The following HBS1L variants were observed in gnomAD, a reference collection of about 807,000 sequenced individuals.
HBS1L encodes HBS1-like protein.
Under a neutral mutation model 88.9 loss-of-function variants are expected in HBS1L, and 55 were observed. The ratio of observed to expected loss-of-function variants is 0.62; its 90% CI spans 0.50 to 0.77. The LOEUF (loss-of-function observed/expected upper bound fraction) is 0.77, where lower values mean the gene tolerates loss of function less well. Ranked by LOEUF, HBS1L falls within the 30% of genes least tolerant of loss-of-function variation. The pLI, the probability that HBS1L is intolerant of heterozygous loss-of-function variation, is 0.00. For missense variants in HBS1L, 741 were observed against 829.3 expected (o/e 0.89, Z 1.31); for synonymous variants, 267 against 288.5 (o/e 0.93, Z 0.76).
intron 15 of HBS1L, among the ~76,000 whole-genome samples, chr6:134,972,496 A>G (rs1316514272): frequency 6.6e-6 from 1 of 152,200 alleles, no homozygotes; most frequent in East Asian, 1.9e-4. Context: ...CAAAACTCTT[A>G]GAAGAGAACA....
At chr6:135,017,821 T>G (rs537714610) in intron 4 of HBS1L, among the ~76,000 whole-genome samples, 20 of 152,084 alleles carry the variant, frequency 1.3e-4, no homozygotes, top group Admixed American at 1.2e-3. Context: ...GAAAAGGTGA[T>G]CTGAAAGATT....
At chr6:134,999,015 C>T (rs573682802) in intron 5 of HBS1L, among the ~76,000 whole-genome samples, 1 of 152,304 alleles carries the variant, frequency 6.6e-6, no homozygotes, top group Non-Finnish European at 1.5e-5. Context: ...TGAATGACCA[C>T]AGCTAGTTCT....
chr6:134,993,708 T>G (rs951250916), intron 8 of HBS1L, 50 bp downstream of exon 8: 2 of 783,450 alleles, frequency 2.6e-6, no homozygotes, highest in African/African-American at 1.8e-5. Context: ...CATCAGAAAA[T>G]TTTATGTAAA....
chr6:135,002,282 CG>C (rs778584205), intron 5 of HBS1L, among the ~76,000 whole-genome samples: 1 of 152,018 alleles, frequency 6.6e-6, no homozygotes, highest in Non-Finnish European at 1.5e-5. Flanking sequence ...GTCCAATTTA[CG>C]TCTTTGCTAC....
intron 3 of HBS1L, among the ~76,000 whole-genome samples, chr6:135,040,369 G>C (rs1237089355): frequency 8.0e-5 from 3 of 37,476 alleles, no homozygotes; most frequent in Non-Finnish European, 1.5e-4. Flanking sequence ...TTTTTTTTTT[G>C]AGACAGAGTC....
intron 4 of HBS1L, among the ~76,000 whole-genome samples, chr6:135,025,866 TA>T (rs1000630289): frequency 6.6e-6 from 1 of 151,812 alleles, no homozygotes; most frequent in African/African-American, 2.4e-5. Flanking sequence ...ATAAAGATGA[TA>T]AAAACAAATA....
intron 7 of HBS1L, among the ~76,000 whole-genome samples, chr6:134,996,038 C>T (rs532182298): frequency 5.9e-5 from 9 of 152,220 alleles, no homozygotes; most frequent in Middle Eastern, 3.4e-3. Context: ...AGTTTAATCT[C>T]GTTAATCTAG....
intron 6 of HBS1L, 56 bp from the exon 7 acceptor site, chr6:134,996,998 A>G: frequency 7.9e-7 from 1 of 1,266,020 alleles, no homozygotes; most frequent in Non-Finnish European, 1.1e-6. Context: ...GTTCACATTG[A>G]GGCATTGCAT....
intron 4 of HBS1L, among the ~76,000 whole-genome samples, chr6:135,024,462 A>C (rs1188522720): frequency 5.5e-5 from 8 of 146,154 alleles, no homozygotes; most frequent in Admixed American, 2.7e-4. Context: ...AAAAAAAAAA[A>C]CACAAAACAA....
intron 16 of HBS1L, 58 bp from the exon 17 acceptor site, chr6:134,966,531 T>C (rs1774321477): frequency 8.7e-7 from 1 of 1,148,272 alleles, no homozygotes; most frequent in Non-Finnish European, 1.2e-6. Flanking sequence ...AATGTAATAA[T>C]AACAACTTGA....
chr6:135,054,789 T>C lies in HBS1L; in HGVS notation c.-98A>G, dbSNP rs199964947. 7.0e-4 allele frequency: 1,012 copies of C among 1,439,740 alleles called. 1 individual carries two copies. Among genetic ancestry groups the C allele is most frequent in the Non-Finnish European group, 9.0e-4 (937 of 1,041,174 alleles). 89.2% of individuals were successfully genotyped at this position (1,439,740 alleles called of 1,614,324 possible). A position where few individuals can be genotyped will look rare whatever the true frequency, so the allele number is the denominator to read the frequency against. On this transcript the variant is annotated 5_prime_UTR_variant, in exon 1 of 18. Coordinates refer to ENST00000367837, the MANE Select transcript of HBS1L (RefSeq NM_006620.4). ...CCAACTGCAGCCTGGAGAACCCCTA[T>C]GCGCCATCTTGGCTTCCCGCAGGCC...
intron 15 of HBS1L, among the ~76,000 whole-genome samples, chr6:134,970,784 G>A (rs77698320): frequency 2.6e-5 from 4 of 152,192 alleles, no homozygotes; most frequent in African/African-American, 9.6e-5. Flanking sequence ...TGAAGCTAAG[G>A]TTTGGATACA....
rs920657158 is a variant in HBS1L, at chr6:134,963,135, C to G, written c.*2144G>C. On this transcript the variant is annotated 3_prime_UTR_variant, in exon 18 of 18. Coordinates refer to ENST00000367837, the MANE Select transcript of HBS1L (RefSeq NM_006620.4). ...GGTTTCTTGTTTTTACTCCCCCTACCTTAAACCCCAATCCATTTCCCCTTC... is the reference window on the plus strand; with the variant it reads ...GGTTTCTTGTTTTTACTCCCCCTACGTTAAACCCCAATCCATTTCCCCTTC... The G allele has an allele frequency of 6.6e-6, 1 of 152,120 alleles. No homozygotes were observed. Among genetic ancestry groups the G allele is most frequent in the East Asian group, 1.9e-4 (1 of 5,194 alleles). The allele number at this position is 152,120 out of a possible 1,614,324, so 9.4% of individuals were successfully genotyped here. A position where few individuals can be genotyped will look rare whatever the true frequency, so the allele number is the denominator to read the frequency against.
In HBS1L at chr6:134,969,356, A is replaced by G. The variant is rs1562272079; in HGVS notation, c.1798-18T>C. The stretch of plus-strand genomic sequence containing the variant: ...AACAGCACCTAAAACAAAAAATTAT[A>G]ACACTAAAAATCTGCTACCACAGTA... On this transcript the variant is annotated intron_variant, in intron 15 of 17. Coordinates refer to ENST00000367837, the MANE Select transcript of HBS1L (RefSeq NM_006620.4). The G allele has an allele frequency of 6.7e-7, 1 of 1,487,986 alleles. No homozygotes were observed. Among genetic ancestry groups the G allele is most frequent in the Admixed American group, 1.7e-5 (1 of 59,742 alleles). 92.2% of individuals were successfully genotyped at this position (1,487,986 alleles called of 1,614,324 possible). A position where few individuals can be genotyped will look rare whatever the true frequency, so the allele number is the denominator to read the frequency against.
intron 4 of HBS1L, among the ~76,000 whole-genome samples, chr6:135,015,803 G>C (rs1046106294): frequency 4.0e-5 from 6 of 151,216 alleles, no homozygotes; most frequent in African/African-American, 1.2e-4. Context: ...GGCTGGTCTT[G>C]AACTCCTGAG....
intron 4 of HBS1L, among the ~76,000 whole-genome samples, chr6:135,031,015 C>T (rs1320100998): frequency 1.3e-5 from 2 of 152,040 alleles, no homozygotes; most frequent in Admixed American, 6.5e-5. Flanking sequence ...TACTTAGTGT[C>T]GCATTTTTTC....
intron 4 of HBS1L, among the ~76,000 whole-genome samples, chr6:135,017,651 A>C (rs1255369341): frequency 6.6e-6 from 1 of 152,072 alleles, no homozygotes; most frequent in Non-Finnish European, 1.5e-5. Context: ...TATAGGATAC[A>C]GAAATGTATG....
chr6:135,018,541 T>C (rs1285958787), intron 4 of HBS1L, among the ~76,000 whole-genome samples: 2 of 152,008 alleles, frequency 1.3e-5, no homozygotes, highest in Non-Finnish European at 2.9e-5. Context: ...AGGTAGTATA[T>C]GCAAAATTTA....
At chr6:134,989,945 T>C (rs1204821265) in intron 8 of HBS1L, among the ~76,000 whole-genome samples, 1 of 152,194 alleles carries the variant, frequency 6.6e-6, no homozygotes, top group East Asian at 1.9e-4. Context: ...CCTCTCTGTG[T>C]TACCAACTTA....
Sources: gnomAD v4.1 joint callset for allele counts (sites outside exome capture counted in the v4.1 genomes callset) on GRCh38, gnomAD v4.1.1 for gene constraint, MANE v1.5 for transcripts, NCBI Gene and HGNC (gene_info 2026-07-23, HGNC 2026-07-21) for gene names.